Variants in MYH13 observed in about 807,000 individuals in gnomAD.
MYH13 encodes the protein myosin-13.
MYH13 carries 177 observed loss-of-function variants against 232.1 expected under a neutral mutation model. The ratio of observed to expected loss-of-function variants is 0.76; its 90% confidence interval spans 0.67 to 0.86. MYH13 has a LOEUF of 0.86. Among genes scored for constraint, MYH13 ranks in the 40% least tolerant of loss-of-function variants. The probability of loss-of-function intolerance (pLI) is 0.00; values close to 1 mark genes in which losing one functional copy is unlikely to be tolerated. For synonymous variants in MYH13, 884 were observed against 923.5 expected (o/e 0.96, Z 0.78); for missense variants, 2,246 against 2,405.9 (o/e 0.93, Z 1.39).
chr17:10,340,178 A>G lies in MYH13; in HGVS notation c.2028T>C (p.Cys676=). ...GAGTCTTGGTCTCATTGGGAATCAG[A>G]CATCGTACAAAGTGAGGGTGGGTGC... ...LRSTHPHFVR[C]LIPNETKTPG... is the part of the protein sequence containing the mutation. Residue 676 remains cysteine (C), a synonymous_variant, in exon 18 of 41, where the codon TGT becomes TGC. Transcript: ENST00000252172. 6.2e-7 allele frequency: 1 copy of G among 1,613,938 alleles called. No homozygotes were observed. Among genetic ancestry groups the G allele is most frequent in the Non-Finnish European group, 8.5e-7 (1 of 1,179,882 alleles).
chr17:10,333,944 C>T (rs901314726), intron 18 of MYH13, among the ~76,000 whole-genome samples: 20 of 151,330 alleles, frequency 1.3e-4, no homozygotes, highest in African/African-American at 4.8e-4. Context: ...GGAGGGGACC[C>T]AGAAGGGGGT....
chr17:10,313,073 A>G (rs1267571903), intron 30 of MYH13, 85 bp downstream of exon 30: 2 of 1,589,368 alleles, frequency 1.3e-6, no homozygotes, highest in South Asian at 1.1e-5. Flanking sequence ...GTGGGCAGGA[A>G]AGAATCTCTC....
In MYH13 at chr17:10,364,315, A is replaced by G; in HGVS notation, c.204+12T>C. 1.2e-6 allele frequency: 2 copies of G among 1,609,296 alleles called. No individual in the cohort carries two copies. The highest frequency in any genetic ancestry group is 1.7e-6 in the Non-Finnish European group (2 of 1,176,134). ...GCCCATATTATCAAAGACATCTGTA[A>G]TCAACACTCACCCGGTCATCGAGGG... On this transcript the variant is annotated intron_variant, in intron 3 of 40. Transcript: ENST00000252172.
chr17:10,346,048 A>G (rs1353832885), intron 13 of MYH13, among the ~76,000 whole-genome samples: 1 of 151,668 alleles, frequency 6.6e-6, no homozygotes, highest in Admixed American at 6.6e-5. Context: ...GCAGTTGAAT[A>G]TTGGCAATTT....
intron 32 of MYH13, among the ~76,000 whole-genome samples, chr17:10,311,534 GA>G (rs1906509253): frequency 6.6e-6 from 1 of 152,250 alleles, no homozygotes; most frequent in African/African-American, 2.4e-5. Context: ...TGCAGAACCA[GA>G]AGGGGCTTTG....
At chr17:10,360,711 A>G (rs2024074) in intron 5 of MYH13, among the ~76,000 whole-genome samples, 50,712 of 152,032 alleles carry the variant, frequency 0.33, 8,610 homozygotes, top group Non-Finnish European at 0.35. Context: ...ACCTCAGAAT[A>G]TGACCTTATT....
intron 31 of MYH13, among the ~76,000 whole-genome samples, 159 bp downstream of exon 31, chr17:10,312,415 A>G (rs1906539061): frequency 6.6e-6 from 1 of 152,244 alleles, no homozygotes; most frequent in South Asian, 2.1e-4. Context: ...TAGGATGTGC[A>G]GGTATCTCAC....
chr17:10,325,519 T>C (rs1907168789), intron 22 of MYH13, among the ~76,000 whole-genome samples: 2 of 152,160 alleles, frequency 1.3e-5, no homozygotes, highest in African/African-American at 4.8e-5. Context: ...CTTAGCTGTG[T>C]CTCCTCGAAC....
chr17:10,362,477 G>A lies in MYH13; in HGVS notation c.231C>T (p.Val77=). The A allele has an allele frequency of 6.2e-7, 1 of 1,614,182 alleles. No homozygotes were observed. Among genetic ancestry groups the A allele is most frequent in the Non-Finnish European group, 8.5e-7 (1 of 1,180,038 alleles). Residue 77 remains valine (V), a synonymous_variant, in exon 4 of 41, where the codon GTC becomes GTT. Coordinates refer to ENST00000252172, the MANE Select transcript of MYH13 (RefSeq NM_003802.3). ...DRMLTLNNDQ[V]FPMNPPKFDK... ...CAAATTTGGGAGGGTTCATGGGGAAGACCTGGTCATTGTTCAGAGTGAGCA... is the reference window on the plus strand; with the variant it reads ...CAAATTTGGGAGGGTTCATGGGGAAAACCTGGTCATTGTTCAGAGTGAGCA...
intron 16 of MYH13, among the ~76,000 whole-genome samples, chr17:10,343,157 C>T (rs1019119318): frequency 1.3e-5 from 2 of 150,868 alleles, no homozygotes; most frequent in Non-Finnish European, 2.9e-5. Context: ...TCAAATTCCA[C>T]AGTGGTGATG....
rs768244908 is a variant in MYH13, at chr17:10,300,950, C to T, written c.*1G>A. On this transcript the variant is annotated 3_prime_UTR_variant, in exon 41 of 41. Coordinates refer to ENST00000252172, the MANE Select transcript of MYH13 (RefSeq NM_003802.3). The stretch of plus-strand genomic sequence containing the variant: ...CCATGGCAACGAGCATCAGGTGAGC[C>T]TCATTCTTCCATCTTCTGTGGGAGA... 5.0e-6 allele frequency: 8 copies of T among 1,612,922 alleles called. No individual in the cohort carries two copies. Among genetic ancestry groups the T allele is most frequent in the South Asian group, 3.3e-5 (3 of 91,028 alleles).
chr17:10,355,828 C>CTTTTTTTTTTTTTTTTTTTTT lies in MYH13; in HGVS notation c.739-702_739-682dup, dbSNP rs61338527. Among the ~76,000 whole-genome samples the CTTTTTTTTTTTTTTTTTTTTT allele has an allele frequency of 1.8e-4, 12 of 66,812 alleles. 1 individual carries two copies. The highest frequency in any genetic ancestry group is 2.0e-4 in the Admixed American group (1 of 4,910). 43.8% of individuals were successfully genotyped at this position (66,812 alleles called of 152,430 possible). A position where few individuals can be genotyped will look rare whatever the true frequency, so the allele number is the denominator to read the frequency against. ...TAACTGGTTGGATTGTTCTGTCTGACTTTTTTTTTTTTTTTTTTTTTTTTT... is the reference window on the plus strand; with the variant it reads ...TAACTGGTTGGATTGTTCTGTCTGACTTTTTTTTTTTTTTTTTTTTTTTTTTTTTTTTTTTTTTTTTTTTTT... On this transcript the variant is annotated intron_variant, in intron 8 of 40. Transcript: ENST00000252172.
intron 11 of MYH13, among the ~76,000 whole-genome samples, chr17:10,353,571 ACT>A (rs2051008904): frequency 6.6e-6 from 1 of 151,914 alleles, no homozygotes; most frequent in South Asian, 2.1e-4. Context: ...GTGTTTAAAT[ACT>A]CTGTCATTGG....
rs779117956 is a variant in MYH13 at position 10,360,091 on chromosome 17, C to T, written c.534-20G>A. 1.4e-5 allele frequency: 23 copies of T among 1,613,910 alleles called. No individual in the cohort carries two copies. The highest frequency in any genetic ancestry group is 7.7e-5 in the South Asian group (7 of 91,068). On this transcript the variant is annotated intron_variant, in intron 6 of 40. Transcript: ENST00000252172. ...TCTCCGCTGCCAATTTAAAAGTAAA[C>T]GGGATAAAGGAGAGTGGAAGGGAGG...
chr17:10,340,074 A>G, intron 18 of MYH13, 76 bp downstream of exon 18: 1 of 1,277,752 alleles, frequency 7.8e-7, no homozygotes, highest in Non-Finnish European at 1.1e-6. Flanking sequence ...TTCCAAACGC[A>G]CACCCACAGA....
chr17:10,323,316 C>T (rs754546087), intron 23 of MYH13, among the ~76,000 whole-genome samples: 6 of 152,194 alleles, frequency 3.9e-5, no homozygotes, highest in Non-Finnish European at 8.8e-5. Flanking sequence ...TTGGTGTTAT[C>T]CAGTCTTCTG....
At chr17:10,340,911 C>CT (rs2142255580) in intron 16 of MYH13, among the ~76,000 whole-genome samples, 1 of 152,088 alleles carries the variant, frequency 6.6e-6, no homozygotes, top group South Asian at 2.1e-4. Context: ...GGGAGTATAA[C>CT]TTAAACTCTC....
chr17:10,321,680 G>C lies in MYH13; in HGVS notation c.2963C>G (p.Ala988Gly). Residue 988 changes from alanine (A) to glycine (G), a missense_variant, in exon 24 of 41, where the codon GCA (alanine) becomes GGA (glycine). By Grantham distance (60) the Ala-to-Gly change is moderately conservative (BLOSUM62 0). Transcript: ENST00000252172. ...KVKNLSEEMTALEENISKLTK... is the reference protein window; with the variant it reads ...KVKNLSEEMTGLEENISKLTK... ...CAATTTGGAAATGTTTTCTTCAAGTGCTGTCATTTCTTCGGAAAGATTCTT... is the reference window on the plus strand; with the variant it reads ...CAATTTGGAAATGTTTTCTTCAAGTCCTGTCATTTCTTCGGAAAGATTCTT... 6.2e-7 allele frequency: 1 copy of C among 1,613,238 alleles called. No homozygotes were observed. Among genetic ancestry groups the C allele is most frequent in the East Asian group, 2.2e-5 (1 of 44,872 alleles).
chr17:10,348,697 T>C (rs1048809372), intron 12 of MYH13, among the ~76,000 whole-genome samples: 1 of 152,142 alleles, frequency 6.6e-6, no homozygotes, highest in Non-Finnish European at 1.5e-5. Context: ...CTCTTTTTTT[T>C]TTCTTCTCAA....
Sources: gnomAD v4.1 joint callset for allele counts (sites outside exome capture counted in the v4.1 genomes callset) on GRCh38, gnomAD v4.1.1 for gene constraint, MANE v1.5 for transcripts, NCBI Gene and HGNC (gene_info 2026-07-23, HGNC 2026-07-21) for gene names.